TANGO6: variants seen among roughly 807,000 people sequenced by gnomAD.
TANGO6 encodes transport and Golgi organization protein 6 homolog.
Under a neutral mutation model 114.2 loss-of-function variants are expected in TANGO6, and 90 were observed. The observed-to-expected ratio is 0.79, with a 90% confidence interval of 0.66 to 0.94. The LOEUF is 0.94. Ranked by LOEUF, TANGO6 falls within the 40% of genes least tolerant of loss-of-function variation. TANGO6 has a pLI of 0.00. For synonymous variants in TANGO6, 477 were observed against 509.8 expected (o/e 0.94, Z 0.87); for missense variants, 1,274 against 1,315.3 (o/e 0.97, Z 0.49).
intron 10 of TANGO6, 81 bp downstream of exon 10, chr16:68,907,656 A>G: frequency 1.4e-6 from 2 of 1,443,598 alleles, no homozygotes; most frequent in Non-Finnish European, 1.8e-6. Context: ...AGCATTTATA[A>G]TTTTAGGTCC....
intron 14 of TANGO6, among the ~76,000 whole-genome samples, chr16:68,952,700 T>G (rs1411093288): frequency 6.6e-6 from 1 of 152,146 alleles, no homozygotes; most frequent in African/African-American, 2.4e-5. Context: ...GATTTTTACA[T>G]TAGGCTTTTG....
intron 16 of TANGO6, among the ~76,000 whole-genome samples, chr16:69,027,836 A>G (rs1959529392): frequency 6.6e-6 from 1 of 151,546 alleles, no homozygotes; most frequent in Non-Finnish European, 1.5e-5. Flanking sequence ...ACTGGAGTAC[A>G]ATGGCGTGAT....
At chr16:68,882,879 G>A (rs745432674) in intron 7 of TANGO6, among the ~76,000 whole-genome samples, 10 of 152,150 alleles carry the variant, frequency 6.6e-5, no homozygotes, top group Admixed American at 1.3e-4. Context: ...TTAGCCGGAC[G>A]TTGTGGTACG....
intron 8 of TANGO6, 38 bp from the exon 9 acceptor site, chr16:68,902,290 A>C: frequency 6.4e-7 from 1 of 1,574,322 alleles, no homozygotes. Context: ...TGCATGGAGT[A>C]AGATGACAAG....
At chr16:68,959,057 A>C (rs1963563393) in intron 14 of TANGO6, among the ~76,000 whole-genome samples, 1 of 152,048 alleles carries the variant, frequency 6.6e-6, no homozygotes, top group Non-Finnish European at 1.5e-5. Context: ...AGGTTGGATA[A>C]CTCCCTGAAA....
At chr16:68,995,865 G>A (rs1160340236) in intron 15 of TANGO6, among the ~76,000 whole-genome samples, 1 of 152,194 alleles carries the variant, frequency 6.6e-6, no homozygotes, top group East Asian at 1.9e-4. Context: ...ACTTAAAAGG[G>A]ATGAGCCCCT....
intron 17 of TANGO6, 117 bp from the exon 18 acceptor site, chr16:69,083,368 T>C: frequency 7.7e-7 from 1 of 1,291,262 alleles, no homozygotes; most frequent in Non-Finnish European, 1.0e-6. Flanking sequence ...CACATTATCT[T>C]CAGGAAGTCT....
intron 11 of TANGO6, among the ~76,000 whole-genome samples, chr16:68,914,556 G>A (rs1033448065): frequency 2.6e-5 from 4 of 152,122 alleles, no homozygotes; most frequent in Admixed American, 2.6e-4. Flanking sequence ...AAATGATGTC[G>A]GGCACTGCTA....
intron 9 of TANGO6, 88 bp downstream of exon 9, chr16:68,902,592 A>G: frequency 7.9e-7 from 1 of 1,271,818 alleles, no homozygotes; most frequent in Non-Finnish European, 1.0e-6. Context: ...GGGCGCTGAT[A>G]GAAAAGAAAC....
intron 4 of TANGO6, chr16:68,867,466 C>A: frequency 2.5e-6 from 1 of 407,482 alleles, no homozygotes; most frequent in Non-Finnish European, 4.4e-6. Context: ...ATATTGTAAG[C>A]CATTTCAAAT....
At position 68,860,161 on chromosome 16, in the gene TANGO6, G is replaced by A; in HGVS notation, c.372G>A (p.Arg124=). Residue 124 remains arginine, a synonymous_variant, in exon 2 of 18, where the codon AGG becomes AGA. Transcript: ENST00000261778. ...TCAATCCAGGTAAACCCAACCCTAGGACTCCGGAAGTTGCTCCTGCCCTGA... is the reference window on the plus strand; with the variant it reads ...TCAATCCAGGTAAACCCAACCCTAGAACTCCGGAAGTTGCTCCTGCCCTGA... ...ANFNPGKPNP[R]TPEVAPALSP... 6.2e-7 allele frequency: 1 copy of A among 1,613,958 alleles called. No homozygotes were observed. Among genetic ancestry groups the A allele is most frequent in the Non-Finnish European group, 8.5e-7 (1 of 1,179,884 alleles).
intron 3 of TANGO6, among the ~76,000 whole-genome samples, chr16:68,863,410 C>G (rs1962130121): frequency 1.3e-5 from 2 of 152,056 alleles, no homozygotes; most frequent in South Asian, 4.2e-4. Flanking sequence ...GAGTTCGAGA[C>G]CAGCCTCAAC....
intron 17 of TANGO6, among the ~76,000 whole-genome samples, chr16:69,053,157 T>C (rs964537112): frequency 6.6e-6 from 1 of 152,138 alleles, no homozygotes; most frequent in African/African-American, 2.4e-5. Flanking sequence ...TAAGAATTAA[T>C]TGAACTTATC....
intron 7 of TANGO6, among the ~76,000 whole-genome samples, chr16:68,897,797 C>T (rs1192539961): frequency 6.6e-6 from 1 of 151,890 alleles, no homozygotes; most frequent in East Asian, 1.9e-4. Context: ...AGGCTGGTGT[C>T]GAACTCCTAA....
chr16:69,022,833 A>G lies in TANGO6; in HGVS notation c.2848A>G (p.Met950Val). The change falls in exon 16 of 18, where the codon ATG becomes GTG. Residue 950 changes from methionine to valine, a missense_variant. Coordinates refer to ENST00000261778, the MANE Select transcript of TANGO6 (RefSeq NM_024562.2). ...LMRIVRALGD[M>V]VSKYREPLIH... Reference sequence around the variant, plus strand: ...TTTCTTCCTTTTTCCTATAGGAGACATGGTCTCAAAGTACCGAGAACCTTT... The same window carrying G: ...TTTCTTCCTTTTTCCTATAGGAGACGTGGTCTCAAAGTACCGAGAACCTTT... 1.3e-6 allele frequency: 2 copies of G among 1,577,370 alleles called. No homozygotes were observed. Among genetic ancestry groups the G allele is most frequent in the South Asian group, 1.2e-5 (1 of 86,072 alleles).
At chr16:68,959,787 G>A (rs983991780) in intron 14 of TANGO6, among the ~76,000 whole-genome samples, 4 of 152,166 alleles carry the variant, frequency 2.6e-5, no homozygotes, top group Non-Finnish European at 4.4e-5. Context: ...GCAACTCTCC[G>A]TGGAAGCCTT....
intron 17 of TANGO6, among the ~76,000 whole-genome samples, chr16:69,061,740 G>C (rs984814421): frequency 6.6e-5 from 10 of 151,226 alleles, no homozygotes; most frequent in East Asian, 2.0e-4. Flanking sequence ...ATTTCCGGCC[G>C]GGCGCGCGGT....
At position 69,020,630 on chromosome 16, in the gene TANGO6, G is replaced by T. The variant is rs117730039; in HGVS notation, c.2843-2198G>T. 1.6e-4 allele frequency among the ~76,000 whole-genome samples: 25 copies of T among 152,226 alleles called. No individual in the cohort carries two copies. The East Asian group carries it at 4.6e-3, about 28-fold the overall frequency. The stretch of plus-strand genomic sequence containing the variant: ...CATCATTTGGTGATTAAAAATAGGT[G>T]ACTTTATGCTTGTAATCCTAACACT... On this transcript the variant is annotated intron_variant, in intron 15 of 17. Coordinates refer to ENST00000261778, the MANE Select transcript of TANGO6 (RefSeq NM_024562.2).
At chr16:69,050,401 G>T (rs1310941949) in intron 17 of TANGO6, among the ~76,000 whole-genome samples, 1 of 151,912 alleles carries the variant, frequency 6.6e-6, no homozygotes. Flanking sequence ...GAATGGTGTG[G>T]CACGATCATG....
Sources: allele counts gnomAD v4.1 joint callset (sites outside exome capture counted in the v4.1 genomes callset), GRCh38; gene constraint gnomAD v4.1.1; transcripts MANE v1.5; gene names NCBI Gene and HGNC (gene_info 2026-07-23, HGNC 2026-07-21).